LRMDA: variants seen among roughly 807,000 people sequenced by gnomAD.
LRMDA encodes leucine-rich melanocyte differentiation-associated protein.
In LRMDA, 18 loss-of-function variants were observed where a neutral mutation model predicts 29.8. That is an observed-to-expected ratio of 0.60 (90% CI 0.42 to 0.90). The LOEUF (loss-of-function observed/expected upper bound fraction) is 0.90. LRMDA is among the 40% of genes least tolerant of loss of function. LRMDA has a pLI of 0.00. For missense variants in LRMDA, 273 were observed against 273.9 expected, an observed-to-expected ratio of 1.00 and a Z score of 0.02; for synonymous variants, 125 against 109.4, an observed-to-expected ratio of 1.14 and a Z score of -0.89.
At chr10:75,703,233 T>A (rs1842329295) in intron 2 of LRMDA, among the ~76,000 whole-genome samples, 1 of 152,160 alleles carries the variant, frequency 6.6e-6, no homozygotes, top group African/African-American at 2.4e-5. Flanking sequence ...CAACGAGTAA[T>A]GGATTTCAAC....
chr10:75,724,339 C>T (rs1001735333), intron 2 of LRMDA, among the ~76,000 whole-genome samples: 1 of 152,206 alleles, frequency 6.6e-6, no homozygotes, highest in Non-Finnish European at 1.5e-5. Flanking sequence ...CCCATTATGC[C>T]ACCCATTAAC....
chr10:75,693,973 A>T (rs1842202135), intron 2 of LRMDA, among the ~76,000 whole-genome samples: 1 of 152,136 alleles, frequency 6.6e-6, no homozygotes, highest in Non-Finnish European at 1.5e-5. Context: ...GTTTGTTTGA[A>T]TTTTTGCTGT....
intron 6 of LRMDA, among the ~76,000 whole-genome samples, chr10:76,526,082 T>C (rs1208776929): frequency 6.3e-3 from 1 of 158 alleles, no homozygotes; most frequent in Non-Finnish European, 0.014. Flanking sequence ...TGTACAAAAG[T>C]AGCACATTGG....
intron 5 of LRMDA, among the ~76,000 whole-genome samples, chr10:76,130,991 T>C (rs1037384923): frequency 6.6e-6 from 1 of 152,116 alleles, no homozygotes; most frequent in Admixed American, 6.5e-5. Context: ...ACAATGCAAG[T>C]GGAGTAATCT....
chr10:75,640,163 G>T (rs1385019082), intron 2 of LRMDA, among the ~76,000 whole-genome samples: 2 of 151,598 alleles, frequency 1.3e-5, no homozygotes. Context: ...TTTACATGGC[G>T]TTTAAAGGGA....
At chr10:75,725,530 C>T (rs761797433) in intron 2 of LRMDA, among the ~76,000 whole-genome samples, 21 of 152,170 alleles carry the variant, frequency 1.4e-4, no homozygotes, top group African/African-American at 9.7e-5. Context: ...TTTTGAGTAG[C>T]GTTGTGTAAA....
intron 2 of LRMDA, among the ~76,000 whole-genome samples, chr10:75,526,028 A>T (rs1845409438): frequency 6.6e-6 from 1 of 151,342 alleles, no homozygotes; most frequent in Admixed American, 6.6e-5. Context: ...ATATTTGTTG[A>T]CTTTATATAT....
chr10:76,180,929 C>T (rs184521829), intron 5 of LRMDA, among the ~76,000 whole-genome samples: 1 of 152,134 alleles, frequency 6.6e-6, no homozygotes, highest in African/African-American at 2.4e-5. Context: ...GGCAGTATAT[C>T]AGGACACAAG....
At chr10:76,254,418 A>G (rs28516849) in intron 5 of LRMDA, among the ~76,000 whole-genome samples, 43 of 65,002 alleles carry the variant, frequency 6.6e-4, no homozygotes, top group East Asian at 2.3e-3. Context: ...GCTATGCTAT[A>G]CTATACTATA....
intron 6 of LRMDA, among the ~76,000 whole-genome samples, chr10:76,354,903 G>A (rs902793721): frequency 6.6e-6 from 1 of 152,080 alleles, no homozygotes; most frequent in Admixed American, 6.6e-5. Flanking sequence ...CGAACATGAT[G>A]TCTTCTATCT....
intron 1 of LRMDA, among the ~76,000 whole-genome samples, chr10:75,435,807 C>G (rs1240826986): frequency 6.6e-6 from 1 of 152,180 alleles, no homozygotes; most frequent in Non-Finnish European, 1.5e-5. Flanking sequence ...CAGGCTCTAA[C>G]ACTCTTCTTG....
At chr10:76,363,177 G>GAAAGAAAGAAA (rs1314060766) in intron 6 of LRMDA, among the ~76,000 whole-genome samples, 133 of 11,056 alleles carry the variant, frequency 0.012, 7 homozygotes, top group African/African-American at 0.023. Flanking sequence ...AAGAAAGAAA[G>GAAAGAAAGAAA]GAGGGAGGGA....
At chr10:75,445,138 C>T (rs1308270852) in intron 2 of LRMDA, among the ~76,000 whole-genome samples, 1 of 152,134 alleles carries the variant, frequency 6.6e-6, no homozygotes, top group African/African-American at 2.4e-5. Context: ...GAGGTGGGAT[C>T]TCCCTATGTT....
intron 6 of LRMDA, among the ~76,000 whole-genome samples, chr10:76,348,307 A>C (rs1841133577): frequency 6.6e-6 from 1 of 152,140 alleles, no homozygotes; most frequent in South Asian, 2.1e-4. Context: ...CATCACGGGC[A>C]ATGTGGTAGA....
chr10:75,454,740 T>C (rs919578118), intron 2 of LRMDA, among the ~76,000 whole-genome samples: 2 of 152,190 alleles, frequency 1.3e-5, no homozygotes, highest in Non-Finnish European at 2.9e-5. Flanking sequence ...GAGCTAACCA[T>C]TCTTCCAGTT....
At chr10:76,147,835 G>A (rs1199094189) in intron 5 of LRMDA, among the ~76,000 whole-genome samples, 1 of 152,122 alleles carries the variant, frequency 6.6e-6, no homozygotes, top group Non-Finnish European at 1.5e-5. Flanking sequence ...TTTGGTCTTT[G>A]ATGATGGTGA....
chr10:76,554,460 G>T (rs1057151240), intron 6 of LRMDA, among the ~76,000 whole-genome samples: 1 of 152,186 alleles, frequency 6.6e-6, no homozygotes, highest in South Asian at 2.1e-4. Flanking sequence ...AGTGAATGCA[G>T]TATCTGTTTT....
intron 2 of LRMDA, among the ~76,000 whole-genome samples, chr10:75,476,021 C>T (rs1417438781): frequency 6.6e-6 from 1 of 152,190 alleles, no homozygotes; most frequent in Non-Finnish European, 1.5e-5. Flanking sequence ...TCACAATTTG[C>T]AAACATTAGA....
At chr10:75,981,911 A>G (rs184210465) in intron 2 of LRMDA, among the ~76,000 whole-genome samples, 237 of 151,804 alleles carry the variant, frequency 1.6e-3, no homozygotes, top group African/African-American at 5.5e-3. Flanking sequence ...AATATTGGCC[A>G]GCTCCTCTTT....
Sources: gnomAD v4.1 joint callset for allele counts (sites outside exome capture counted in the v4.1 genomes callset) on GRCh38, gnomAD v4.1.1 for gene constraint, MANE v1.5 for transcripts, NCBI Gene and HGNC (gene_info 2026-07-23, HGNC 2026-07-21) for gene names.